Variants in IQSEC1 observed in about 807,000 individuals in gnomAD.
IQSEC1 encodes IQ motif and Sec7 domain ArfGEF 1, also known as IQ motif and SEC7 domain-containing protein 1.
Under a neutral mutation model 91.0 loss-of-function variants are expected in IQSEC1, and 31 were observed. The observed-to-expected ratio is 0.34, with a 90% confidence interval of 0.26 to 0.46. The LOEUF is 0.46. IQSEC1 is among the 20% of genes least tolerant of loss of function. The pLI, the probability that IQSEC1 is intolerant of heterozygous loss-of-function variation, is 1.00. For missense variants in IQSEC1, 1,388 were observed against 1,575.6 expected (o/e 0.88, Z 2.02); for synonymous variants, 699 against 662.6 (o/e 1.05, Z -0.84).
chr3:13,068,010 C>T (rs555907754), intron 1 of IQSEC1, among the ~76,000 whole-genome samples: 4 of 152,318 alleles, frequency 2.6e-5, no homozygotes, highest in African/African-American at 9.6e-5. Context: ...TGCTTGCTGG[C>T]CCGCAGGCAA....
intron 2 of IQSEC1, among the ~76,000 whole-genome samples, chr3:13,131,833 C>A (rs771597755): frequency 2.0e-5 from 3 of 152,032 alleles, no homozygotes; most frequent in Non-Finnish European, 2.9e-5. Context: ...TTTTTGGTTC[C>A]ATTTTTGCTC....
At chr3:12,919,636 T>C (rs1370842932) in intron 6 of IQSEC1, among the ~76,000 whole-genome samples, 5 of 152,260 alleles carry the variant, frequency 3.3e-5, no homozygotes, top group Non-Finnish European at 7.3e-5. Context: ...CTGGCTCTTC[T>C]TTGCTGTTAC....
Position 12,899,451 on chromosome 3 carries a change from G to A in IQSEC1, c.*1532C>T, listed in dbSNP as rs769058831. 32 of 1,606,770 alleles carry A rather than the reference G, an allele frequency of 2.0e-5. 1 individual carries two copies. The South Asian group carries it at 2.0e-4, about 10-fold the overall frequency. On this transcript the variant is annotated 3_prime_UTR_variant, in exon 14 of 14. Transcript: ENST00000613206. Reference sequence around the variant, plus strand: ...AGGCTGAAACTACAAAGTATGGCCCGTGGGTGACTCGGGCACAGACCTGCC... The same window carrying A: ...AGGCTGAAACTACAAAGTATGGCCCATGGGTGACTCGGGCACAGACCTGCC...
At chr3:13,091,185 G>A (rs922071112) in intron 2 of IQSEC1, among the ~76,000 whole-genome samples, 1 of 152,098 alleles carries the variant, frequency 6.6e-6, no homozygotes, top group Non-Finnish European at 1.5e-5. Flanking sequence ...CACTCCCTAC[G>A]CCATCGCTCA....
chr3:13,256,415 A>C (rs563921191), intron 1 of IQSEC1, among the ~76,000 whole-genome samples: 1 of 152,372 alleles, frequency 6.6e-6, no homozygotes, highest in African/African-American at 2.4e-5. Context: ...GTAACTACAT[A>C]ATTTTAATTA....
At chr3:13,127,429 A>C (rs1021647813) in intron 2 of IQSEC1, among the ~76,000 whole-genome samples, 7 of 122,762 alleles carry the variant, frequency 5.7e-5, no homozygotes, top group East Asian at 2.3e-4. Context: ...ACAACAACAA[A>C]AAAACAAACA....
In IQSEC1 at chr3:13,282,961, G is replaced by A. The variant is rs1695824276; in HGVS notation, c.22C>T (p.Pro8Ser). Among the ~76,000 whole-genome samples the A allele has an allele frequency of 6.8e-6, 1 of 146,508 alleles. No homozygotes were observed. The highest frequency in any genetic ancestry group is 1.5e-5 in the Non-Finnish European group (1 of 65,836). The change falls in exon 1 of 16, where the codon CCC (proline) becomes TCC (serine). Residue 8 changes from proline to serine, a missense_variant. Physicochemically the swap from Pro to Ser is moderately conservative, Grantham distance 74. Transcript: ENST00000648114. The surrounding 1 kb of genome is among the most constrained non-coding windows in gnomAD (Gnocchi z 6.4). ...TGCAGGTACTCGGCCGCCTGGCCGG[G>A]GGGCTCGGCGGCGCTGGCCATGGCC...
chr3:13,176,182 C>T (rs1348293230), intron 1 of IQSEC1, among the ~76,000 whole-genome samples: 2 of 152,174 alleles, frequency 1.3e-5, no homozygotes, highest in South Asian at 2.1e-4. Flanking sequence ...GTGGCTGAGA[C>T]AGGTCAGAAG....
At chr3:13,080,310 A>G (rs1705629009) in intron 2 of IQSEC1, among the ~76,000 whole-genome samples, 1 of 152,108 alleles carries the variant, frequency 6.6e-6, no homozygotes, top group East Asian at 1.9e-4. Flanking sequence ...GTGGGGATGC[A>G]GAGAACAGGT....
rs1696677732 is a variant in IQSEC1, at chr3:12,922,019, T to C, written c.1853+101A>G. 7.1e-6 allele frequency: 10 copies of C among 1,400,850 alleles called. No individual in the cohort carries two copies. Among genetic ancestry groups the C allele is most frequent in the Non-Finnish European group, 9.5e-6 (10 of 1,050,554 alleles). 86.8% of individuals were successfully genotyped at this position (1,400,850 alleles called of 1,614,324 possible). A position where few individuals can be genotyped will look rare whatever the true frequency, so the allele number is the denominator to read the frequency against. On this transcript the variant is annotated intron_variant, in intron 5 of 13. Transcript: ENST00000613206. This position sits in a 1 kb window ranked among gnomAD's most constrained non-coding sequence, Gnocchi z 5.1. Reference sequence around the variant, plus strand: ...ACATTCAGGGACACCTGGCCCTGTCTAGGGATGGTGGGGATGCAGTCTTTG... The same window carrying C: ...ACATTCAGGGACACCTGGCCCTGTCCAGGGATGGTGGGGATGCAGTCTTTG...
Position 12,935,909 on chromosome 3 carries a change from C to A in IQSEC1, c.1107G>T (p.Glu369Asp). 1 of 1,602,108 alleles carries A rather than the reference C, an allele frequency of 6.2e-7. No homozygotes were observed. The highest frequency in any genetic ancestry group is 8.5e-7 in the Non-Finnish European group (1 of 1,179,568). ...GGTCCACAGAGCTGTCGCTGGGTGG[C>A]TCGATGGTGAGCAGCGGCAGATGCT... ...RVEHLPLLTI[E>D]PPSDSSVDLS... The change falls in exon 3 of 14, where the codon GAG becomes GAT. Residue 369 changes from glutamate to aspartate, a missense_variant. Physicochemically the swap from Glu to Asp is conservative, Grantham distance 45. Transcript: ENST00000613206. The surrounding 1 kb of genome is among the most constrained non-coding windows in gnomAD (Gnocchi z 8.0).
At chr3:13,180,833 G>A (rs1459719576) in intron 1 of IQSEC1, among the ~76,000 whole-genome samples, 2 of 151,900 alleles carry the variant, frequency 1.3e-5, no homozygotes, top group Admixed American at 1.3e-4. Flanking sequence ...CCCACCAGAA[G>A]GAAGAAACTC....
rs111381046 is a variant in IQSEC1, at chr3:13,105,991, C to T, written c.302+58113G>A. 7.0e-4 allele frequency among the ~76,000 whole-genome samples: 106 copies of T among 152,308 alleles called. 1 individual carries two copies. The highest frequency in any genetic ancestry group is 2.4e-3 in the African/African-American group (101 of 41,562). Reference sequence around the variant, plus strand: ...TCTTCTCTCCATAGCTGAGAAAATCCGGCAGCCCTGGGCTGGTTCCTTCCT... The same window carrying T: ...TCTTCTCTCCATAGCTGAGAAAATCTGGCAGCCCTGGGCTGGTTCCTTCCT... On this transcript the variant is annotated intron_variant, in intron 2 of 15. Transcript: ENST00000648114.
intron 8 of IQSEC1, among the ~76,000 whole-genome samples, chr3:12,914,364 C>A (rs1695864677): frequency 6.6e-6 from 1 of 152,204 alleles, no homozygotes; most frequent in South Asian, 2.1e-4. Context: ...GGTGGGATCC[C>A]CGGGATCACC....
At position 13,271,913 on chromosome 3, in the gene IQSEC1, G is replaced by C. The variant is rs575714211; in HGVS notation, c.272+10798C>G. Among the ~76,000 whole-genome samples the C allele has an allele frequency of 2.0e-5, 3 of 152,214 alleles. No homozygotes were observed. The East Asian group carries it at 5.8e-4, about 29-fold the overall frequency. Reference sequence around the variant, plus strand: ...TAGGCAGACCAACAAGGAAATATAAGACACAAACAAGACTACAAACCAACT... The same window carrying C: ...TAGGCAGACCAACAAGGAAATATAACACACAAACAAGACTACAAACCAACT... On this transcript the variant is annotated intron_variant, in intron 1 of 15. Transcript: ENST00000648114.
chr3:13,147,813 AG>A (rs1706922690), intron 2 of IQSEC1, among the ~76,000 whole-genome samples: 2 of 152,156 alleles, frequency 1.3e-5, no homozygotes, highest in Admixed American at 1.3e-4. Context: ...TTGTAGTTTT[AG>A]TAGAGATGAG....
At chr3:13,283,134 C>T (rs1695831462) in exon 1 of IQSEC1, among the ~76,000 whole-genome samples, 1 of 142,706 alleles carries the variant, frequency 7.0e-6, no homozygotes, top group African/African-American at 2.5e-5. Context: ...GCGCCGCCCC[C>T]GGGGCCCCCG....
chr3:12,909,185 G>C lies in IQSEC1; in HGVS notation c.2578+88C>G. 7.3e-7 allele frequency: 1 copy of C among 1,374,212 alleles called. No homozygotes were observed. The highest frequency in any genetic ancestry group is 1.0e-6 in the Non-Finnish European group (1 of 984,656). The allele number at this position is 1,374,212 out of a possible 1,614,324, so 85.1% of individuals were successfully genotyped here. The stretch of plus-strand genomic sequence containing the variant: ...AGACTGGGGGACATCTTGTCTCTGT[G>C]AGCTCAGAAGTCACTGCCCTGACAT... On this transcript the variant is annotated intron_variant, in intron 11 of 13. Coordinates refer to ENST00000613206, the MANE Select transcript of IQSEC1 (RefSeq NM_001134382.3). This position sits in a 1 kb window ranked among gnomAD's most constrained non-coding sequence, Gnocchi z 4.9.
At chr3:13,125,543 C>T (rs1170792235) in intron 2 of IQSEC1, among the ~76,000 whole-genome samples, 1 of 152,208 alleles carries the variant, frequency 6.6e-6, no homozygotes, top group East Asian at 1.9e-4. Context: ...TGCAGTGTGG[C>T]GCTTGAGAAC....
Sources: allele counts gnomAD v4.1 joint callset (sites outside exome capture counted in the v4.1 genomes callset), GRCh38; gene constraint gnomAD v4.1.1; non-coding constraint Gnocchi (gnomAD v3.1); transcripts MANE v1.5; gene names NCBI Gene and HGNC (gene_info 2026-07-23, HGNC 2026-07-21).